The following ACTN4 variants were observed in gnomAD, a reference collection of about 807,000 sequenced individuals.
The protein encoded by ACTN4 is actinin alpha 4.
Under a neutral mutation model 114.2 loss-of-function variants are expected in ACTN4, and 18 were observed. That is an observed-to-expected ratio of 0.16 (90% confidence interval 0.11 to 0.23). The LOEUF is 0.23. ACTN4 is among the 10% of genes least tolerant of loss of function. The pLI is 1.00. For synonymous variants in ACTN4, 515 were observed against 506.3 expected (o/e 1.02, Z -0.23); for missense variants, 722 against 1,262.9 (o/e 0.57, Z 6.49).
chr19:38,666,305 A>G (rs1485514728), intron 1 of ACTN4, among the ~76,000 whole-genome samples: 63 of 152,106 alleles, frequency 4.1e-4, no homozygotes, highest in Admixed American at 4.1e-3. Flanking sequence ...CTCCCCTAAC[A>G]GGGTGCAGGC....
intron 1 of ACTN4, among the ~76,000 whole-genome samples, chr19:38,684,673 TGAGTCA>T (rs1967686052): frequency 6.6e-6 from 1 of 152,220 alleles, no homozygotes; most frequent in African/African-American, 2.4e-5. Context: ...GGAGCAATTA[TGAGTCA>T]GAGGTTTCAG....
In ACTN4 at chr19:38,731,391, C is replaced by G. The variant is rs1025599195; in HGVS notation, c.*1959C>G. 4.8e-6 allele frequency: 3 copies of G among 629,334 alleles called. No individual in the cohort carries two copies. Among genetic ancestry groups the G allele is most frequent in the Non-Finnish European group, 8.6e-6 (3 of 346,958 alleles). 39.0% of individuals were successfully genotyped at this position (629,334 alleles called of 1,614,324 possible). A position where few individuals can be genotyped will look rare whatever the true frequency, so the allele number is the denominator to read the frequency against. ...GGCTGATCCCTTCAATCCTCTGGGC[C>G]TGTTTCCTCATCCATCAAACGGACT... On this transcript the variant is annotated 3_prime_UTR_variant, in exon 21 of 21. Coordinates refer to ENST00000252699, the MANE Select transcript of ACTN4 (RefSeq NM_004924.6).
chr19:38,659,665 T>C (rs897960421), intron 1 of ACTN4, among the ~76,000 whole-genome samples: 1 of 152,204 alleles, frequency 6.6e-6, no homozygotes, highest in Non-Finnish European at 1.5e-5. Flanking sequence ...AAATACGGCC[T>C]GCTCTGGGGC....
At chr19:38,719,704 C>T (rs1290692293) in intron 11 of ACTN4, among the ~76,000 whole-genome samples, 1 of 152,258 alleles carries the variant, frequency 6.6e-6, no homozygotes, top group African/African-American at 2.4e-5. Flanking sequence ...CCGTCCTTAT[C>T]CATGGAGGCC....
At chr19:38,714,701 C>T in intron 9 of ACTN4, 140 bp downstream of exon 9, 1 of 915,666 alleles carries the variant, frequency 1.1e-6, no homozygotes, top group South Asian at 1.4e-5. Flanking sequence ...GGCATTTAGC[C>T]AGCTGGTGTG....
intron 5 of ACTN4, among the ~76,000 whole-genome samples, chr19:38,706,399 T>C (rs944651128): frequency 6.6e-6 from 1 of 152,164 alleles, no homozygotes; most frequent in Admixed American, 6.5e-5. Context: ...CCAGGCAAGG[T>C]GACTCTCAGA....
chr19:38,665,846 T>TCCCTTCTTTCCCTGGGTC (rs1218190084), intron 1 of ACTN4, among the ~76,000 whole-genome samples: 2 of 152,196 alleles, frequency 1.3e-5, no homozygotes, highest in Middle Eastern at 3.4e-3. Flanking sequence ...TTCCCCGGGT[T>TCCCTTCTTTCCCTGGGTC]CCCTTCTTTC....
At chr19:38,689,901 C>G (rs1366017803) in intron 1 of ACTN4, among the ~76,000 whole-genome samples, 1 of 152,124 alleles carries the variant, frequency 6.6e-6, no homozygotes, top group Non-Finnish European at 1.5e-5. Context: ...ACAGGACTAG[C>G]TGGATTTCCT....
chr19:38,694,159 G>A (rs1968017442), intron 1 of ACTN4, among the ~76,000 whole-genome samples: 1 of 152,166 alleles, frequency 6.6e-6, no homozygotes. Context: ...GAGGAGCGGG[G>A]CCACCTTTTG....
intron 7 of ACTN4, among the ~76,000 whole-genome samples, chr19:38,709,726 GCTGAAGGAT>G (rs1041707913): frequency 2.0e-5 from 3 of 152,214 alleles, no homozygotes; most frequent in African/African-American, 7.2e-5. Context: ...GGGAGGGGGA[GCTGAAGGAT>G]CAACTCTCCT....
At position 38,731,339 on chromosome 19, in the gene ACTN4, C is replaced by G; in HGVS notation, c.*1907C>G. The G allele has an allele frequency of 1.3e-6, 1 of 763,786 alleles. No individual in the cohort carries two copies. Among genetic ancestry groups the G allele is most frequent in the South Asian group, 1.5e-5 (1 of 67,032 alleles). The allele number at this position is 763,786 out of a possible 1,614,324, so 47.3% of individuals were successfully genotyped here. A position where few individuals can be genotyped will look rare whatever the true frequency, so the allele number is the denominator to read the frequency against. On this transcript the variant is annotated 3_prime_UTR_variant, in exon 21 of 21. Coordinates refer to ENST00000252699, the MANE Select transcript of ACTN4 (RefSeq NM_004924.6). The stretch of plus-strand genomic sequence containing the variant: ...TGCCACAGGGTGTCACACCCCAACT[C>G]TGCCCCATCCCGGCAGGGTGAGTAC...
chr19:38,653,884 G>T (rs2144825287), intron 1 of ACTN4, among the ~76,000 whole-genome samples: 1 of 152,342 alleles, frequency 6.6e-6, no homozygotes, highest in South Asian at 2.1e-4. Context: ...TTCTACTTGA[G>T]CAGATACAAA....
chr19:38,701,069 G>A lies in ACTN4; in HGVS notation c.345G>A (p.Ala115=), dbSNP rs561245944. 17 of 1,614,086 alleles carry A rather than the reference G, an allele frequency of 1.1e-5. No individual in the cohort carries two copies. Among genetic ancestry groups the A allele is most frequent in the African/African-American group, 8.0e-5 (6 of 75,028 alleles). Residue 115 remains alanine (A), a synonymous_variant, in exon 3 of 21, where the codon GCG becomes GCA. Transcript: ENST00000252699. ...RVHKINNVNK[A]LDFIASKGVK... ...ACAAAATCAACAATGTGAACAAAGCGCTGGACTTTATTGCCAGCAAAGGCG... is the reference window on the plus strand; with the variant it reads ...ACAAAATCAACAATGTGAACAAAGCACTGGACTTTATTGCCAGCAAAGGCG...
intron 8 of ACTN4, among the ~76,000 whole-genome samples, chr19:38,713,110 C>G (rs79001257): frequency 0.022 from 3,392 of 152,290 alleles, 61 homozygotes; most frequent in Non-Finnish European, 0.033. Flanking sequence ...CAAGAGTGCT[C>G]TCTGGGGTTC....
At chr19:38,656,270 G>A (rs1457338465) in intron 1 of ACTN4, among the ~76,000 whole-genome samples, 3 of 152,072 alleles carry the variant, frequency 2.0e-5, no homozygotes, top group Non-Finnish European at 2.9e-5. Context: ...ACACCACCAC[G>A]CCTGACTGAT....
chr19:38,698,066 T>C (rs570517329), intron 1 of ACTN4, among the ~76,000 whole-genome samples: 6 of 151,990 alleles, frequency 3.9e-5, no homozygotes, highest in Non-Finnish European at 8.8e-5. Context: ...TGGGGGTTGC[T>C]ACGGGAGAGG....
Position 38,723,976 on chromosome 19 carries a change from C to T in ACTN4, c.1591C>T (p.Leu531=). 4 of 1,613,764 alleles carry T rather than the reference C, an allele frequency of 2.5e-6. No homozygotes were observed. Among genetic ancestry groups the T allele is most frequent in the Admixed American group, 3.3e-5 (2 of 60,024 alleles). Residue 531 remains leucine (L), a synonymous_variant, in exon 14 of 21, where the codon CTG becomes TTG. Coordinates refer to ENST00000252699, the MANE Select transcript of ACTN4 (RefSeq NM_004924.6). The part of the protein sequence containing the change: ...KQLEAIDQLH[L]EYAKRAAPFN... ...GCTGGAGGCCATCGACCAGCTGCAC[C>T]TGGAATACGCCAAGCGCGCGGCCCC...
intron 1 of ACTN4, among the ~76,000 whole-genome samples, chr19:38,665,133 C>A (rs145237646): frequency 6.6e-6 from 1 of 152,252 alleles, no homozygotes; most frequent in African/African-American, 2.4e-5. Context: ...CACTGAAGCT[C>A]CTGTGGGAGA....
At chr19:38,722,707 G>A (rs1313389849) in intron 12 of ACTN4, among the ~76,000 whole-genome samples, 4 of 152,244 alleles carry the variant, frequency 2.6e-5, no homozygotes, top group Non-Finnish European at 5.9e-5. Context: ...CACCCTCGGG[G>A]GTGTGGGGGT....
Sources: gnomAD v4.1 joint callset for allele counts (sites outside exome capture counted in the v4.1 genomes callset) on GRCh38, gnomAD v4.1.1 for gene constraint, MANE v1.5 for transcripts, NCBI Gene and HGNC (gene_info 2026-07-23, HGNC 2026-07-21) for gene names.